ITGA10: variants seen among roughly 807,000 people sequenced by gnomAD.
ITGA10 encodes integrin subunit alpha 10.
ITGA10 carries 105 observed loss-of-function variants against 145.2 expected under a neutral mutation model. The observed-to-expected ratio is 0.72, with a 90% CI of 0.62 to 0.85. The LOEUF is 0.85. Among genes scored for constraint, ITGA10 ranks in the 40% least tolerant of loss-of-function variants. ITGA10 has a pLI of 0.00. For missense variants in ITGA10, 1,317 were observed against 1,444.5 expected, an observed-to-expected ratio of 0.91 and a Z score of 1.43; for synonymous variants, 506 against 557.8, an observed-to-expected ratio of 0.91 and a Z score of 1.31.
chr1:145,908,501 C>A (rs1238306353), intron 1 of ITGA10, among the ~76,000 whole-genome samples: 1 of 152,132 alleles, frequency 6.6e-6, no homozygotes, highest in Non-Finnish European at 1.5e-5. Flanking sequence ...AGCCTTCAGC[C>A]CATTCTAAAG....
Position 145,895,292 on chromosome 1 carries a change from T to C in ITGA10, c.3216A>G (p.Glu1072=). The C allele has an allele frequency of 1.9e-6, 3 of 1,613,152 alleles. No homozygotes were observed. Among genetic ancestry groups the C allele is most frequent in the Non-Finnish European group, 2.5e-6 (3 of 1,179,312 alleles). The change falls in exon 27 of 30, where the codon GAA becomes GAG. Residue 1072 remains glutamate, a synonymous_variant. Transcript: ENST00000369304. ...SVGLLRLVHN[E]FFRRAKFKSL... Reference sequence around the variant, plus strand: ...AGGAAAGGCTTACTCTTCGGAAAAATTCATTGTGAACCAGCCTCAATAGTC... The same window carrying C: ...AGGAAAGGCTTACTCTTCGGAAAAACTCATTGTGAACCAGCCTCAATAGTC...
chr1:145,901,170 C>T lies in ITGA10; in HGVS notation c.1552G>A (p.Glu518Lys). 1.2e-6 allele frequency: 2 copies of T among 1,614,112 alleles called. No individual in the cohort carries two copies. Among genetic ancestry groups the T allele is most frequent in the South Asian group, 1.1e-5 (1 of 91,078 alleles). Residue 518 changes from glutamate to lysine, a missense_variant, in exon 13 of 30, where the codon GAA becomes AAA. Glu to Lys is a moderately conservative substitution (Grantham distance 56, BLOSUM62 1). Coordinates refer to ENST00000369304, the MANE Select transcript of ITGA10 (RefSeq NM_003637.5). This position sits in a 1 kb window ranked among gnomAD's most constrained non-coding sequence, Gnocchi z 4.3. ...APMFLGPQNK[E>K]TGRVYVYLVG... ...AGATACACATAAACACGTCCTGTTT[C>T]CTTGTTCTGGGGTCCCAGGAACATG...
At chr1:145,904,839 A>T in intron 5 of ITGA10, 28 bp from the exon 6 acceptor site, 1 of 1,608,782 alleles carries the variant, frequency 6.2e-7, no homozygotes, top group Non-Finnish European at 8.5e-7. Context: ...ACTGAGGTAG[A>T]GGACACTGAG....
chr1:145,906,278 T>A, intron 5 of ITGA10, 116 bp downstream of exon 5: 1 of 727,700 alleles, frequency 1.4e-6, no homozygotes, highest in Non-Finnish European at 2.4e-6. Flanking sequence ...GCACATTAGG[T>A]AGCAATGAGG....
rs1553743391 is a variant in ITGA10, at chr1:145,892,234, T to C, written c.*564A>G. The stretch of plus-strand genomic sequence containing the variant: ...CCTTGGAATTGTACAGAATGTCTCT[T>C]GTGGCTTTTCCTCCTCCCTCCTTTT... On this transcript the variant is annotated 3_prime_UTR_variant, in exon 30 of 30. Transcript: ENST00000369304. 3.3e-5 allele frequency: 5 copies of C among 153,450 alleles called. No homozygotes were observed. The allele number at this position is 153,450 out of a possible 1,614,324, so 9.5% of individuals were successfully genotyped here.
chr1:145,898,377 A>G (rs1305632074), intron 17 of ITGA10, among the ~76,000 whole-genome samples, 154 bp from the exon 18 acceptor site: 1 of 151,926 alleles, frequency 6.6e-6, no homozygotes, highest in Non-Finnish European at 1.5e-5. Flanking sequence ...TTATTTATTT[A>G]TTTATTTTTG....
Position 145,901,881 on chromosome 1 carries a change from G to A in ITGA10, c.1290C>T (p.Tyr430=), listed in dbSNP as rs1384426427. 15 of 1,613,988 alleles carry A rather than the reference G, an allele frequency of 9.3e-6. No individual in the cohort carries two copies. The highest frequency in any genetic ancestry group is 1.3e-5 in the Non-Finnish European group (15 of 1,180,018). Residue 430 remains tyrosine, a synonymous_variant, in exon 11 of 30, where the codon TAC becomes TAT. Coordinates refer to ENST00000369304, the MANE Select transcript of ITGA10 (RefSeq NM_003637.5). This position sits in a 1 kb window ranked among gnomAD's most constrained non-coding sequence, Gnocchi z 4.3. The part of the protein sequence containing the change: ...FPPALQNHAA[Y]LGYSVSSMLL... Reference sequence around the variant, plus strand: ...CTGCAACTCTCTGCTGCTCACCCAGGTAGGCTGCATGGTTCTGCAATGCAG... The same window carrying A: ...CTGCAACTCTCTGCTGCTCACCCAGATAGGCTGCATGGTTCTGCAATGCAG...
intron 27 of ITGA10, among the ~76,000 whole-genome samples, chr1:145,894,901 C>T (rs968233946): frequency 2.0e-5 from 3 of 151,940 alleles, no homozygotes; most frequent in African/African-American, 4.8e-5. Context: ...GTAATAGGAA[C>T]GTGATGGATT....
At chr1:145,903,134 A>C (rs1448205725) in intron 7 of ITGA10, among the ~76,000 whole-genome samples, 173 bp from the exon 8 acceptor site, 1 of 152,090 alleles carries the variant, frequency 6.6e-6, no homozygotes, top group Non-Finnish European at 1.5e-5. Context: ...TGAGTATTTA[A>C]CATGGAGATG....
In ITGA10 at chr1:145,904,699, G is replaced by A; in HGVS notation, c.594C>T (p.Asp198=). 11 of 1,613,950 alleles carry A rather than the reference G, an allele frequency of 6.8e-6. No individual in the cohort carries two copies. The highest frequency in any genetic ancestry group is 8.5e-6 in the Non-Finnish European group (10 of 1,179,922). Reference sequence around the variant, plus strand: ...CTTCTCTTACCTGTATCTGTTCTGGGTCAATAAACAGTTTCCCTACCAGTC... The same window carrying A: ...CTTCTCTTACCTGTATCTGTTCTGGATCAATAAACAGTTTCCCTACCAGTC... ...LRRLVGKLFI[D]PEQIQVGLVQ... is the part of the protein sequence containing the mutation. Residue 198 remains aspartate, a synonymous_variant, in exon 6 of 30, where the codon GAC becomes GAT. Coordinates refer to ENST00000369304, the MANE Select transcript of ITGA10 (RefSeq NM_003637.5).
chr1:145,908,459 A>G (rs782345696), intron 1 of ITGA10, among the ~76,000 whole-genome samples: 63 of 151,898 alleles, frequency 4.1e-4, no homozygotes, highest in Admixed American at 1.1e-3. Flanking sequence ...TACTCTCCCA[A>G]CTGGTCCCCT....
intron 15 of ITGA10, 85 bp downstream of exon 15, chr1:145,899,972 C>G (rs1656010444): frequency 1.4e-6 from 2 of 1,423,946 alleles, no homozygotes; most frequent in African/African-American, 1.4e-5. Context: ...ACCAAGAAAA[C>G]CAAATCTCCA....
chr1:145,896,839 C>T lies in ITGA10; in HGVS notation c.2764G>A (p.Gly922Arg), dbSNP rs1559193129. 6.2e-7 allele frequency: 1 copy of T among 1,613,990 alleles called. No individual in the cohort carries two copies. Among genetic ancestry groups the T allele is most frequent in the East Asian group, 2.2e-5 (1 of 44,880 alleles). ...TGGGCTGTGTTATCTTGAAGGGTCC[C>T]ATTTCTCTCCAGGCTGTCACTGTAG... Reference protein sequence around the residue: ...TASSDSLERNGTLQDNTAQTS... With the variant: ...TASSDSLERNRTLQDNTAQTS... Residue 922 changes from glycine (G) to arginine (R), a missense_variant, in exon 23 of 30, where the codon GGG (glycine) becomes AGG (arginine). Transcript: ENST00000369304.
intron 21 of ITGA10, 59 bp downstream of exon 21, chr1:145,897,188 C>T: frequency 1.9e-6 from 3 of 1,583,404 alleles, no homozygotes; most frequent in South Asian, 2.2e-5. Flanking sequence ...GTCCCAGGAC[C>T]CTCAGATCCC....
chr1:145,897,948 A>C, intron 18 of ITGA10, 48 bp from the exon 19 acceptor site: 1 of 1,505,736 alleles, frequency 6.6e-7, no homozygotes, highest in Non-Finnish European at 9.2e-7. Context: ...GCAAGGAGGA[A>C]AGGAATAGAA....
intron 3 of ITGA10, 32 bp downstream of exon 3, chr1:145,907,009 G>A: frequency 2.8e-6 from 4 of 1,442,690 alleles, no homozygotes; most frequent in Non-Finnish European, 3.8e-6. Context: ...AAAGTCAGGG[G>A]TTAGGAGGAG....
chr1:145,895,495 C>T lies in ITGA10; in HGVS notation c.3115-102G>A. On this transcript the variant is annotated intron_variant, in intron 26 of 29. Transcript: ENST00000369304. ...AGTCTTGTCCCAAGGCACCTGACTCCATTTTCATTCCCACTCCAGATCAGG... is the reference window on the plus strand; with the variant it reads ...AGTCTTGTCCCAAGGCACCTGACTCTATTTTCATTCCCACTCCAGATCAGG... The T allele has an allele frequency of 2.3e-6, 3 of 1,330,988 alleles. No homozygotes were observed. The South Asian group carries it at 3.7e-5, about 16-fold the overall frequency. 82.4% of individuals were successfully genotyped at this position (1,330,988 alleles called of 1,614,324 possible). A position where few individuals can be genotyped will look rare whatever the true frequency, so the allele number is the denominator to read the frequency against.
chr1:145,896,874 G>C lies in ITGA10; in HGVS notation c.2745-16C>G, dbSNP rs782078260. The stretch of plus-strand genomic sequence containing the variant: ...CAGGCTGTCACTGTAGGGTCAGAGG[G>C]GAGAGGCTCACATCTCAACCCCTCC... On this transcript the variant is annotated splice_polypyrimidine_tract_variant and intron_variant, in intron 22 of 29. Transcript: ENST00000369304. 2 of 1,603,690 alleles carry C rather than the reference G, an allele frequency of 1.2e-6. No individual in the cohort carries two copies. Among genetic ancestry groups the C allele is most frequent in the Non-Finnish European group, 1.7e-6 (2 of 1,170,518 alleles).
intron 18 of ITGA10, 65 bp from the exon 19 acceptor site, chr1:145,897,965 G>A (rs1655677524): frequency 6.9e-7 from 1 of 1,448,660 alleles, no homozygotes; most frequent in Non-Finnish European, 9.7e-7. Context: ...AGAATAGGGG[G>A]AAAGTGAAAA....
Sources: gnomAD v4.1 joint callset for allele counts (sites outside exome capture counted in the v4.1 genomes callset) on GRCh38, gnomAD v4.1.1 for gene constraint, Gnocchi (gnomAD v3.1) non-coding constraint, MANE v1.5 for transcripts, NCBI Gene and HGNC (gene_info 2026-07-23, HGNC 2026-07-21) for gene names.